The following LIPM variants were observed in gnomAD, a reference collection of about 807,000 sequenced individuals.
The protein encoded by LIPM is lipase member M.
A neutral mutation model predicts 42.4 loss-of-function variants in LIPM; 42 were observed. The ratio of observed to expected loss-of-function variants is 0.99; its 90% CI spans 0.77 to 1.28. LIPM has a LOEUF of 1.28. Among genes scored for constraint, LIPM ranks in the 50% most tolerant of loss-of-function variants. The pLI is 0.00. For synonymous variants in LIPM, 177 were observed against 173.3 expected, an observed-to-expected ratio of 1.02 and a Z score of -0.17; for missense variants, 524 against 520.1, an observed-to-expected ratio of 1.01 and a Z score of -0.07.
At chr10:88,807,818 CATCTT>C (rs1843607255) in intron 1 of LIPM, among the ~76,000 whole-genome samples, 1 of 152,148 alleles carries the variant, frequency 6.6e-6, no homozygotes. Flanking sequence ...GCTTTAGAAC[CATCTT>C]ATCTGTAACC....
chr10:88,805,600 T>C lies in LIPM; in HGVS notation c.147+2557T>C, dbSNP rs141273950. On this transcript the variant is annotated intron_variant, in intron 1 of 8. Coordinates refer to ENST00000404743, the MANE Select transcript of LIPM (RefSeq NM_001128215.1). ...CATTCTAAATCTGTGAGGTTTTGTT[T>C]TCTTAAGAAGAAATGTCATGCACAA... Among the ~76,000 whole-genome samples the C allele has an allele frequency of 1.2e-4, 19 of 152,374 alleles. No homozygotes were observed. The East Asian group carries it at 3.7e-3, about 29-fold the overall frequency.
chr10:88,810,700 G>C (rs1843644347), intron 2 of LIPM, among the ~76,000 whole-genome samples: 1 of 152,170 alleles, frequency 6.6e-6, no homozygotes, highest in African/African-American at 2.4e-5. Context: ...AGCTGTGTAA[G>C]TGTAGCCCTT....
In LIPM at chr10:88,808,466, G is replaced by GA. The variant is rs926423071; in HGVS notation, c.265+52dup. Reference sequence around the variant, plus strand: ...ACACAGCAGTCTTCTCTGCAGTCACGATTTCCTTGTGATTTGAATGTAGAA... The same window carrying GA: ...ACACAGCAGTCTTCTCTGCAGTCACGAATTTCCTTGTGATTTGAATGTAGAA... On this transcript the variant is annotated intron_variant, in intron 2 of 8. Transcript: ENST00000404743. The GA allele has an allele frequency of 8.8e-5, 92 of 1,049,328 alleles. No homozygotes were observed. In the Middle Eastern group the frequency reaches 3.4e-3, roughly 39 times the overall value. The allele number at this position is 1,049,328 out of a possible 1,614,324, so 65.0% of individuals were successfully genotyped here. A position where few individuals can be genotyped will look rare whatever the true frequency, so the allele number is the denominator to read the frequency against.
chr10:88,814,432 G>A, intron 3 of LIPM, 98 bp from the exon 4 acceptor site: 1 of 750,810 alleles, frequency 1.3e-6, no homozygotes, highest in Non-Finnish European at 2.2e-6. Context: ...TGTCAGAGTT[G>A]ACAACTCAAG....
At chr10:88,818,288 G>A (rs1279142871) in intron 8 of LIPM, among the ~76,000 whole-genome samples, 1 of 152,234 alleles carries the variant, frequency 6.6e-6, no homozygotes, top group Non-Finnish European at 1.5e-5. Flanking sequence ...TAAATGGCAA[G>A]TGAGGATTGC....
rs781588745 is a variant in LIPM, at chr10:88,808,366, C to A, written c.216C>A (p.Ile72=). Residue 72 remains isoleucine, a synonymous_variant, in exon 2 of 9, where the codon ATC becomes ATA. Coordinates refer to ENST00000404743, the MANE Select transcript of LIPM (RefSeq NM_001128215.1). ...EYEVATEDGY[I]LSVNRIPRGL... ...AAGTCGCAACTGAAGATGGGTATAT[C>A]CTTTCTGTTAACAGGATTCCTCGAG... The A allele has an allele frequency of 6.4e-7, 1 of 1,551,540 alleles. No individual in the cohort carries two copies. The highest frequency in any genetic ancestry group is 8.7e-7 in the Non-Finnish European group (1 of 1,146,796).
At position 88,802,915 on chromosome 10, in the gene LIPM, A is replaced by G. The variant is rs374900658; in HGVS notation, c.19A>G (p.Arg7Gly). The G allele has an allele frequency of 3.2e-6, 5 of 1,549,132 alleles. No homozygotes were observed. In the African/African-American group the frequency reaches 4.1e-5, roughly 13 times the overall value. ...TTGGACCATGTTGGAAACCTTGTCA[A>G]GACAGTGGATTGTCTCACACAGAAT... is the stretch of plus-strand genomic sequence containing the variant. MLETLS[R>G]QWIVSHRMEM... The change falls in exon 1 of 9, where the codon AGA becomes GGA. Residue 7 changes from arginine to glycine, a missense_variant. By Grantham distance (125) the Arg-to-Gly change is moderately radical (BLOSUM62 -2). Transcript: ENST00000404743.
chr10:88,813,838 A>G (rs1843684390), intron 3 of LIPM, among the ~76,000 whole-genome samples: 2 of 152,208 alleles, frequency 1.3e-5, no homozygotes, highest in South Asian at 4.1e-4. Flanking sequence ...ACAAGGCTGC[A>G]GCAAGAAGTG....
chr10:88,808,394 C>T lies in LIPM; in HGVS notation c.244C>T (p.Leu82=), dbSNP rs1843614109. 3 of 1,549,876 alleles carry T rather than the reference C, an allele frequency of 1.9e-6. No homozygotes were observed. The highest frequency in any genetic ancestry group is 2.4e-5 in the South Asian group (2 of 83,998). Residue 82 remains leucine (L), a synonymous_variant, in exon 2 of 9, where the codon CTA becomes TTA. Coordinates refer to ENST00000404743, the MANE Select transcript of LIPM (RefSeq NM_001128215.1). ...ILSVNRIPRG[L]VQPKKTGSRP... ...TTCTGTTAACAGGATTCCTCGAGGC[C>T]TAGTGCAACCTAAGAAGACAGGTGT...
At chr10:88,818,878 G>GT (rs1232883227) in intron 8 of LIPM, among the ~76,000 whole-genome samples, 2 of 151,886 alleles carry the variant, frequency 1.3e-5, no homozygotes, top group Admixed American at 1.3e-4. Flanking sequence ...GTTCAAAGAT[G>GT]TTTTTTTAAT....
chr10:88,811,148 G>T (rs1843650489), intron 2 of LIPM, among the ~76,000 whole-genome samples: 1 of 152,140 alleles, frequency 6.6e-6, no homozygotes, highest in South Asian at 2.1e-4. Flanking sequence ...GAGACTGCAT[G>T]TGTGTTTGGT....
At chr10:88,814,786 A>T (rs1232585426) in intron 4 of LIPM, 147 bp downstream of exon 4, 5 of 663,604 alleles carry the variant, frequency 7.5e-6, no homozygotes, top group African/African-American at 1.8e-5. Flanking sequence ...TGTGTCTAGC[A>T]TATAGACATA....
At chr10:88,818,690 C>T (rs1843747366) in intron 8 of LIPM, among the ~76,000 whole-genome samples, 1 of 152,044 alleles carries the variant, frequency 6.6e-6, no homozygotes, top group African/African-American at 2.4e-5. Flanking sequence ...TTCTTTGAGA[C>T]CCTCACATCA....
chr10:88,817,728 C>T, intron 7 of LIPM, 97 bp from the exon 8 acceptor site: 1 of 763,214 alleles, frequency 1.3e-6, no homozygotes, highest in East Asian at 2.7e-5. Context: ...CTCTCTCCTT[C>T]CCTCATGAGT....
At chr10:88,816,774 G>T (rs1843722924) in intron 6 of LIPM, 42 bp from the exon 7 acceptor site, 1 of 1,368,126 alleles carries the variant, frequency 7.3e-7, no homozygotes, top group African/African-American at 1.4e-5. Flanking sequence ...TACATCTTGT[G>T]AGTTTTTCTA....
intron 3 of LIPM, 106 bp from the exon 4 acceptor site, chr10:88,814,424 T>A: frequency 1.4e-6 from 1 of 701,268 alleles, no homozygotes; most frequent in Non-Finnish European, 2.5e-6. Context: ...TAACAAGCTG[T>A]CAGAGTTGAC....
chr10:88,815,608 ATATATT>A, intron 6 of LIPM, 105 bp downstream of exon 6: 1 of 989,592 alleles, frequency 1.0e-6, no homozygotes, highest in South Asian at 1.7e-5. Flanking sequence ...CAGAGTAATG[ATATATT>A]CTCAGTAACT....
rs200294645 is a variant in LIPM, at chr10:88,802,974, G to A, written c.78G>A (p.Met26Ile). ...GGCTTCTGATTCTGGTGGCGTATAT[G>A]TTCCAGAGAAATGTGAATTCAGTAC... ...EMWLLILVAY[M>I]FQRNVNSVHM... Residue 26 changes from methionine to isoleucine, a missense_variant, in exon 1 of 9, where the codon ATG becomes ATA. Met to Ile is a conservative substitution (Grantham distance 10). Transcript: ENST00000404743. 6.4e-7 allele frequency: 1 copy of A among 1,551,406 alleles called. No individual in the cohort carries two copies. Among genetic ancestry groups the A allele is most frequent in the Admixed American group, 2.0e-5 (1 of 50,976 alleles).
intron 7 of LIPM, among the ~76,000 whole-genome samples, chr10:88,817,422 G>A (rs1843730334): frequency 6.6e-6 from 1 of 152,156 alleles, no homozygotes. Context: ...GAGAGAGAGA[G>A]AGCAATTGTA....
Sources: allele counts gnomAD v4.1 joint callset (sites outside exome capture counted in the v4.1 genomes callset), GRCh38; gene constraint gnomAD v4.1.1; transcripts MANE v1.5; gene names NCBI Gene and HGNC (gene_info 2026-07-23, HGNC 2026-07-21).